SGK1: variants seen among roughly 807,000 people sequenced by gnomAD.
The protein encoded by SGK1 is serum/glucocorticoid regulated kinase 1, also known as serine/threonine-protein kinase Sgk1.
In SGK1, 26 loss-of-function variants were observed where a neutral mutation model predicts 64.2. The ratio of observed to expected loss-of-function variants is 0.40; its 90% CI spans 0.30 to 0.56. The LOEUF (loss-of-function observed/expected upper bound fraction) is 0.56, where lower values mean the gene tolerates loss of function less well. Ranked by LOEUF, SGK1 falls within the 20% of genes least tolerant of loss-of-function variation. The pLI, the probability that SGK1 is intolerant of heterozygous loss-of-function variation, is 0.38. For synonymous variants in SGK1, 265 were observed against 239.7 expected, an observed-to-expected ratio of 1.11 and a Z score of -0.98; for missense variants, 519 against 645.6, an observed-to-expected ratio of 0.80 and a Z score of 2.12.
At chr6:134,292,067 A>G (rs1172024683) in intron 1 of SGK1, among the ~76,000 whole-genome samples, 3 of 151,956 alleles carry the variant, frequency 2.0e-5, no homozygotes, top group African/African-American at 7.3e-5. Context: ...TCTCTCAAAA[A>G]AAAAAAAAAC....
intron 1 of SGK1, among the ~76,000 whole-genome samples, chr6:134,284,177 C>T (rs1777143426): frequency 6.6e-6 from 1 of 152,158 alleles, no homozygotes; most frequent in East Asian, 1.9e-4. Context: ...ACTGCAACCT[C>T]TGCCTCCCAG....
chr6:134,306,974 G>T (rs1359042121), intron 1 of SGK1, among the ~76,000 whole-genome samples: 1 of 150,806 alleles, frequency 6.6e-6, no homozygotes. Context: ...TATTTCAAAG[G>T]ATATTAACTT....
In SGK1 at chr6:134,249,060, C is replaced by T. The variant is rs1776567584; in HGVS notation, c.285+12873G>A. On this transcript the variant is annotated intron_variant, in intron 2 of 13. Coordinates refer to ENST00000367858, the MANE Select transcript of SGK1 (RefSeq NM_001143676.3). ...CTCCTGAGTTAATATTATGCTTTCC[C>T]AAACCTGGAATCCTCGTCTTTTTTG... Among the ~76,000 whole-genome samples, 4 of 152,214 alleles carry T rather than the reference C, an allele frequency of 2.6e-5. No homozygotes were observed. In the South Asian group the frequency reaches 8.3e-4, roughly 32 times the overall value.
At chr6:134,299,731 T>C (rs76908963) in intron 1 of SGK1, among the ~76,000 whole-genome samples, 3,850 of 152,086 alleles carry the variant, frequency 0.025, 66 homozygotes, top group East Asian at 0.08. Context: ...TGGATATGCC[T>C]GTTCATTCTA....
At chr6:134,197,896 TAAAATATAAA>T (rs368070898) in intron 3 of SGK1, among the ~76,000 whole-genome samples, 11,063 of 52,244 alleles carry the variant, frequency 0.21, 1,466 homozygotes, top group African/African-American at 0.36. Context: ...TAAAATAAAA[TAAAATATAAA>T]ATAAAATAAA....
At chr6:134,190,899 G>A (rs1775500006) in intron 3 of SGK1, among the ~76,000 whole-genome samples, 1 of 152,192 alleles carries the variant, frequency 6.6e-6, no homozygotes, top group East Asian at 1.9e-4. Flanking sequence ...AAAACAGGTT[G>A]CCTTGTTAGA....
In SGK1 at chr6:134,185,939, C is replaced by T. The variant is rs554952640; in HGVS notation, c.362-11353G>A. On this transcript the variant is annotated intron_variant, in intron 3 of 13. Coordinates refer to ENST00000367858, the MANE Select transcript of SGK1 (RefSeq NM_001143676.3). ...CCACGGTTCTATCTAGGCTCCCAAGCGATTGGACACTACCCCCCACACCCC... is the reference window on the plus strand; with the variant it reads ...CCACGGTTCTATCTAGGCTCCCAAGTGATTGGACACTACCCCCCACACCCC... 5.5e-4 allele frequency among the ~76,000 whole-genome samples: 83 copies of T among 152,204 alleles called. 1 individual carries two copies. Among genetic ancestry groups the T allele is most frequent in the African/African-American group, 1.6e-3 (65 of 41,540 alleles).
Position 134,229,478 on chromosome 6 carries a change from C to T in SGK1, c.286-22047G>A, listed in dbSNP as rs979058217. Among the ~76,000 whole-genome samples the T allele has an allele frequency of 2.0e-5, 3 of 152,166 alleles. No homozygotes were observed. In the South Asian group the frequency reaches 6.2e-4, roughly 31 times the overall value. ...TCCATTTACTCCATAACCACACAAACGTGACAATTCCATTTAGATTGGTCA... is the reference window on the plus strand; with the variant it reads ...TCCATTTACTCCATAACCACACAAATGTGACAATTCCATTTAGATTGGTCA... On this transcript the variant is annotated intron_variant, in intron 2 of 13. Transcript: ENST00000367858.
intron 1 of SGK1, among the ~76,000 whole-genome samples, chr6:134,292,314 C>T (rs1482445935): frequency 3.3e-5 from 5 of 152,050 alleles, no homozygotes; most frequent in Non-Finnish European, 5.9e-5. Flanking sequence ...CCCAGGGGGC[C>T]GGGCGCGGTG....
At chr6:134,291,789 G>T (rs972297914) in intron 1 of SGK1, among the ~76,000 whole-genome samples, 2 of 152,122 alleles carry the variant, frequency 1.3e-5, no homozygotes, top group Non-Finnish European at 2.9e-5. Flanking sequence ...GGCCAGGCAC[G>T]ATGGGTCACG....
intron 1 of SGK1, among the ~76,000 whole-genome samples, chr6:134,295,736 C>T (rs1296357092): frequency 6.7e-6 from 1 of 149,934 alleles, no homozygotes; most frequent in African/African-American, 2.5e-5. Context: ...TAGATGGCAA[C>T]CTGGAGGATT....
chr6:134,207,323 A>G (rs774001092), intron 3 of SGK1, 33 bp downstream of exon 3: 2 of 1,318,018 alleles, frequency 1.5e-6, no homozygotes, highest in South Asian at 1.2e-5. Context: ...TCCTGTACAT[A>G]ACAGGAAACA....
At chr6:134,221,388 C>T (rs1425181539) in intron 2 of SGK1, among the ~76,000 whole-genome samples, 1 of 152,156 alleles carries the variant, frequency 6.6e-6, no homozygotes, top group East Asian at 1.9e-4. Flanking sequence ...GACTTCTTTC[C>T]TGGGGTTGTA....
intron 2 of SGK1, among the ~76,000 whole-genome samples, chr6:134,257,860 A>T (rs572458325): frequency 6.6e-5 from 10 of 152,322 alleles, no homozygotes; most frequent in Admixed American, 6.5e-4. Flanking sequence ...GACGGTGAGT[A>T]CATATTACCT....
At position 134,264,645 on chromosome 6, in the gene SGK1, T is replaced by TA. The variant is rs1469641540; in HGVS notation, c.70-2498_70-2497insT. On this transcript the variant is annotated intron_variant, in intron 1 of 13. Coordinates refer to ENST00000367858, the MANE Select transcript of SGK1 (RefSeq NM_001143676.3). ...ATGCTACAATTATTATTATTATTAT[T>TA]TTTGTTGTTGTTGTTGTTAAAGGGT... Among the ~76,000 whole-genome samples, 565 of 151,210 alleles carry TA rather than the reference T, an allele frequency of 3.7e-3. 2 individuals carry two copies. Among genetic ancestry groups the TA allele is most frequent in the African/African-American group, 0.013 (527 of 40,684 alleles).
chr6:134,227,875 C>A (rs1776209414), intron 2 of SGK1, among the ~76,000 whole-genome samples: 1 of 145,348 alleles, frequency 6.9e-6, no homozygotes, highest in Non-Finnish European at 1.5e-5. Context: ...AAATATATTT[C>A]TTTTAACTCT....
chr6:134,222,527 G>A (rs1219318181), intron 2 of SGK1, among the ~76,000 whole-genome samples: 1 of 151,836 alleles, frequency 6.6e-6, no homozygotes, highest in African/African-American at 2.4e-5. Flanking sequence ...GTAGAGATGG[G>A]GTTTCCTCAT....
In SGK1 at chr6:134,277,058, A is replaced by G. The variant is rs147760788; in HGVS notation, c.70-14910T>C. ...ACTCTTGTCTCAAAAAAAACCACAA[A>G]AACAAAAACAAAAACCAGAACCAAA... On this transcript the variant is annotated intron_variant, in intron 1 of 13. Transcript: ENST00000367858. 8.4e-3 allele frequency among the ~76,000 whole-genome samples: 1,281 copies of G among 151,978 alleles called. 11 individuals are homozygous for G. Among genetic ancestry groups the G allele is most frequent in the Admixed American group, 0.015 (228 of 15,258 alleles).
intron 2 of SGK1, chr6:134,215,170 T>C: frequency 2.4e-6 from 1 of 421,656 alleles, no homozygotes; most frequent in East Asian, 7.1e-5. Context: ...TTGCCCAGGC[T>C]GGAGTACAGT....
Sources: allele counts gnomAD v4.1 joint callset (sites outside exome capture counted in the v4.1 genomes callset), GRCh38; gene constraint gnomAD v4.1.1; transcripts MANE v1.5; gene names NCBI Gene and HGNC (gene_info 2026-07-23, HGNC 2026-07-21).